MTUS2: variants seen among roughly 807,000 people sequenced by gnomAD.
The protein encoded by MTUS2 is microtubule associated scaffold protein 2, also known as microtubule-associated tumor suppressor candidate 2.
A neutral mutation model predicts 114.1 loss-of-function variants in MTUS2; 40 were observed. That is an observed-to-expected ratio of 0.35 (90% CI 0.27 to 0.46). The LOEUF (loss-of-function observed/expected upper bound fraction) is 0.46. Ranked by LOEUF, MTUS2 falls within the 20% of genes least tolerant of loss-of-function variation. MTUS2 has a pLI of 1.00. For synonymous variants in MTUS2, 688 were observed against 672.0 expected (o/e 1.02, Z -0.37); for missense variants, 1,679 against 1,705.4 (o/e 0.98, Z 0.27).
chr13:28,985,856 A>G (rs1884562064), intron 2 of MTUS2, among the ~76,000 whole-genome samples: 1 of 152,162 alleles, frequency 6.6e-6, no homozygotes, highest in Non-Finnish European at 1.5e-5. Context: ...GCAAGAGGGA[A>G]GTCTGCCTAC....
chr13:29,060,543 C>CTTTTTT (rs1162860492), intron 4 of MTUS2, among the ~76,000 whole-genome samples: 4 of 101,206 alleles, frequency 4.0e-5, no homozygotes, highest in African/African-American at 7.5e-5. Flanking sequence ...CCTAGCCCTT[C>CTTTTTT]TTTTTTTTTT....
chr13:29,218,345 A>G (rs1895767644), intron 5 of MTUS2, among the ~76,000 whole-genome samples: 3 of 152,178 alleles, frequency 2.0e-5, no homozygotes, highest in Admixed American at 2.0e-4. Flanking sequence ...TCTACCACAC[A>G]CAGTGACTTC....
chr13:28,938,212 T>C (rs1455862038), intron 2 of MTUS2, among the ~76,000 whole-genome samples: 1 of 152,046 alleles, frequency 6.6e-6, no homozygotes, highest in African/African-American at 2.4e-5. Flanking sequence ...GTGAAACCTG[T>C]CTCTACTAAA....
chr13:29,075,385 C>G (rs979142885), intron 4 of MTUS2, among the ~76,000 whole-genome samples: 3 of 152,128 alleles, frequency 2.0e-5, no homozygotes, highest in Non-Finnish European at 2.9e-5. Context: ...GTCTACTTTC[C>G]TTTTTTATAA....
intron 8 of MTUS2, among the ~76,000 whole-genome samples, chr13:29,361,104 C>T (rs1217893238): frequency 6.6e-6 from 1 of 152,144 alleles, no homozygotes; most frequent in Non-Finnish European, 1.5e-5. Context: ...TAGTTATGCA[C>T]TTCCATGTTC....
chr13:28,895,805 A>G (rs918187183), intron 2 of MTUS2, among the ~76,000 whole-genome samples: 4 of 152,328 alleles, frequency 2.6e-5, no homozygotes, highest in South Asian at 2.1e-4. Context: ...GTTAAATACA[A>G]TGCAGAATTC....
intron 9 of MTUS2, among the ~76,000 whole-genome samples, chr13:29,475,283 C>A (rs1337450366): frequency 6.6e-6 from 1 of 152,178 alleles, no homozygotes; most frequent in Non-Finnish European, 1.5e-5. Flanking sequence ...TAATGTGCTG[C>A]CAATCGTATA....
intron 4 of MTUS2, among the ~76,000 whole-genome samples, chr13:29,047,200 T>C (rs981651311): frequency 1.3e-4 from 20 of 152,176 alleles, no homozygotes; most frequent in African/African-American, 4.6e-4. Flanking sequence ...CTTGCAGAAA[T>C]TATACAACTT....
In MTUS2 at chr13:29,452,074, A is replaced by G. The variant is rs528600896; in HGVS notation, c.3184+12025A>G. On this transcript the variant is annotated intron_variant, in intron 9 of 15. Coordinates refer to ENST00000612955, the MANE Select transcript of MTUS2 (RefSeq NM_001033602.4). Reference sequence around the variant, plus strand: ...AACTGCCGTGATTAGATTTTATGCCAGTAAATATAATTTTCTAAAGTCATT... The same window carrying G: ...AACTGCCGTGATTAGATTTTATGCCGGTAAATATAATTTTCTAAAGTCATT... 5.9e-5 allele frequency among the ~76,000 whole-genome samples: 9 copies of G among 152,350 alleles called. No homozygotes were observed. The East Asian group carries it at 1.7e-3, about 29-fold the overall frequency.
rs1410907960 is a variant in MTUS2, at chr13:29,170,720, T to C, written c.2644+69750T>C. 2.6e-5 allele frequency among the ~76,000 whole-genome samples: 4 copies of C among 152,202 alleles called. No homozygotes were observed. In the South Asian group the frequency reaches 6.2e-4, roughly 24 times the overall value. ...CCTAAATGAGTCTCACACCTGGTGT[T>C]AGGGCCAACAGACAGCTTGGAGAAA... On this transcript the variant is annotated intron_variant, in intron 5 of 15. Coordinates refer to ENST00000612955, the MANE Select transcript of MTUS2 (RefSeq NM_001033602.4).
intron 2 of MTUS2, among the ~76,000 whole-genome samples, chr13:28,851,340 G>A (rs74989160): frequency 3.3e-4 from 50 of 152,270 alleles, no homozygotes; most frequent in African/African-American, 1.2e-3. Flanking sequence ...TCCATTGACC[G>A]TGATGGAATT....
In MTUS2 at chr13:29,026,479, C is replaced by G. The variant is rs774851883; in HGVS notation, c.1781C>G (p.Pro594Arg). 1.2e-6 allele frequency: 2 copies of G among 1,613,844 alleles called. No homozygotes were observed. The highest frequency in any genetic ancestry group is 2.7e-5 in the African/African-American group (2 of 74,914). Residue 594 changes from proline (P) to arginine (R), a missense_variant, in exon 3 of 16, where the codon CCC becomes CGC. Transcript: ENST00000612955. ...SPKVPDKNTC[P>R]SGIPKPVFTH... ...AAAGTGCCTGACAAGAACACTTGCCCCAGTGGGATCCCCAAGCCTGTCTTC... is the reference window on the plus strand; with the variant it reads ...AAAGTGCCTGACAAGAACACTTGCCGCAGTGGGATCCCCAAGCCTGTCTTC...
chr13:29,453,106 A>G (rs557278114), intron 9 of MTUS2, among the ~76,000 whole-genome samples: 23 of 152,328 alleles, frequency 1.5e-4, no homozygotes, highest in African/African-American at 5.3e-4. Context: ...ATCTCTTCCC[A>G]CCATAACCAT....
intron 7 of MTUS2, among the ~76,000 whole-genome samples, chr13:29,353,796 G>T (rs1190905289): frequency 2.0e-5 from 3 of 152,122 alleles, no homozygotes; most frequent in Non-Finnish European, 4.4e-5. Flanking sequence ...GGTGTTCCAC[G>T]CTGGCTGCTG....
At chr13:28,842,687 C>T (rs1453764847) in intron 2 of MTUS2, among the ~76,000 whole-genome samples, 1 of 152,176 alleles carries the variant, frequency 6.6e-6, no homozygotes, top group African/African-American at 2.4e-5. Context: ...TGTATATACT[C>T]TGCAGCAAGA....
At chr13:29,498,925 A>G (rs9578101) in intron 14 of MTUS2, among the ~76,000 whole-genome samples, 41,977 of 152,098 alleles carry the variant, frequency 0.28, 7,004 homozygotes, top group East Asian at 0.82. Flanking sequence ...CCTGTGGAGC[A>G]GCTGCCGCCA....
chr13:29,323,423 G>A lies in MTUS2; in HGVS notation c.2807-1190G>A, dbSNP rs560019335. 2.6e-5 allele frequency among the ~76,000 whole-genome samples: 4 copies of A among 151,358 alleles called. No individual in the cohort carries two copies. In the East Asian group the frequency reaches 7.8e-4, roughly 29 times the overall value. ...CACCACCATGCCTGGCTAATTTTTT[G>A]TAATTTTTAGTAAAGACGGGGTTTC... On this transcript the variant is annotated intron_variant, in intron 6 of 15. Coordinates refer to ENST00000612955, the MANE Select transcript of MTUS2 (RefSeq NM_001033602.4).
chr13:29,416,051 G>A (rs1336019181), intron 8 of MTUS2, among the ~76,000 whole-genome samples: 1 of 150,004 alleles, frequency 6.7e-6, no homozygotes, highest in Non-Finnish European at 1.5e-5. Flanking sequence ...GAGTAGCTGG[G>A]ATTACAGGCA....
chr13:29,117,329 A>G (rs1891130364), intron 5 of MTUS2, among the ~76,000 whole-genome samples: 1 of 152,154 alleles, frequency 6.6e-6, no homozygotes, highest in Admixed American at 6.5e-5. Flanking sequence ...TGGCCTGACC[A>G]GGTGCTGGAC....
Sources: allele counts gnomAD v4.1 joint callset (sites outside exome capture counted in the v4.1 genomes callset), GRCh38; gene constraint gnomAD v4.1.1; transcripts MANE v1.5; gene names NCBI Gene and HGNC (gene_info 2026-07-23, HGNC 2026-07-21).